Variants in CHRNB3 observed in about 807,000 individuals in gnomAD.
The protein encoded by CHRNB3 is neuronal acetylcholine receptor subunit beta-3.
Under a neutral mutation model 40.6 loss-of-function variants are expected in CHRNB3, and 37 were observed. That is an observed-to-expected ratio of 0.91 (90% CI 0.70 to 1.20). CHRNB3 has a LOEUF of 1.20. CHRNB3 is among the 50% of genes most tolerant of loss of function. CHRNB3 has a pLI of 0.00. For synonymous variants in CHRNB3, 207 were observed against 207.1 expected (o/e 1.00, Z 0.00); for missense variants, 505 against 551.2 (o/e 0.92, Z 0.84).
At chr8:42,733,405 C>T (rs897859871) in intron 5 of CHRNB3, among the ~76,000 whole-genome samples, 5 of 151,978 alleles carry the variant, frequency 3.3e-5, no homozygotes, top group Non-Finnish European at 7.4e-5. Context: ...ATCTGAATGA[C>T]TTAAGACAAG....
chr8:42,704,221 C>G (rs1284173802), intron 1 of CHRNB3: 2 of 152,244 alleles, frequency 1.3e-5, no homozygotes, highest in Non-Finnish European at 2.9e-5. Flanking sequence ...TCCTCTGCGC[C>G]TCCTCCTTAT....
rs907090982 is a variant in CHRNB3, at chr8:42,730,905, G to A, written c.359+202G>A. On this transcript the variant is annotated intron_variant, in intron 4 of 5. Coordinates refer to ENST00000289957, the MANE Select transcript of CHRNB3 (RefSeq NM_000749.5). ...CTACTAAAAATACAAAAAATTAGCC[G>A]GGCGCGGTGGCGGGCGCCTGTAGTC... is the stretch of plus-strand genomic sequence containing the variant. Among the ~76,000 whole-genome samples the A allele has an allele frequency of 4.1e-5, 6 of 146,756 alleles. No homozygotes were observed. The South Asian group carries it at 6.7e-4, about 16-fold the overall frequency.
Position 42,737,342 on chromosome 8 carries a change from C to T in CHRNB3, c.*724C>T. 1 of 152,258 alleles carries T rather than the reference C, an allele frequency of 6.6e-6. No individual in the cohort carries two copies. Among genetic ancestry groups the T allele is most frequent in the Non-Finnish European group, 1.5e-5 (1 of 68,046 alleles). The allele number at this position is 152,258 out of a possible 1,614,324, so 9.4% of individuals were successfully genotyped here. A position where few individuals can be genotyped will look rare whatever the true frequency, so the allele number is the denominator to read the frequency against. ...AAAATAACTCACAATAGAAACAAAG[C>T]CCTTTGCTACCAGAAGTGGATTCAT... On this transcript the variant is annotated 3_prime_UTR_variant, in exon 6 of 6. Coordinates refer to ENST00000289957, the MANE Select transcript of CHRNB3 (RefSeq NM_000749.5).
chr8:42,705,446 C>T (rs1471942611), intron 1 of CHRNB3: 2 of 152,166 alleles, frequency 1.3e-5, no homozygotes, highest in Admixed American at 6.5e-5. Context: ...GGGGGCACCA[C>T]CCTCATGAAT....
At chr8:42,708,498 A>C (rs201627790) in intron 1 of CHRNB3, among the ~76,000 whole-genome samples, 3 of 70,094 alleles carry the variant, frequency 4.3e-5, no homozygotes, top group Non-Finnish European at 8.3e-5. Flanking sequence ...CACACACACA[A>C]ACAAAATGTG....
rs143887216 is a variant in CHRNB3 at position 42,726,886 on chromosome 8, G to A, written c.250-3708G>A. Among the ~76,000 whole-genome samples, 170 of 152,192 alleles carry A rather than the reference G, an allele frequency of 1.1e-3. 1 individual carries two copies. The highest frequency in any genetic ancestry group is 3.7e-3 in the Admixed American group (56 of 15,272). ...ACAACAACAAAAAATCAAGACCTAA[G>A]TAAATGGAGACATAAATAATATTCC... On this transcript the variant is annotated intron_variant, in intron 3 of 5. Coordinates refer to ENST00000289957, the MANE Select transcript of CHRNB3 (RefSeq NM_000749.5).
At position 42,708,862 on chromosome 8, in the gene CHRNB3, A is replaced by G. The variant is rs373118626; in HGVS notation, c.198A>G (p.Val66=). 4.3e-6 allele frequency: 7 copies of G among 1,612,576 alleles called. No homozygotes were observed. Among genetic ancestry groups the G allele is most frequent in the Non-Finnish European group, 5.9e-6 (7 of 1,179,302 alleles). The change falls in exon 2 of 6, where the codon GTA becomes GTG. Residue 66 remains valine, a synonymous_variant. Transcript: ENST00000289957. The stretch of plus-strand genomic sequence containing the variant: ...TTGGATTGAAAATATCCCAGCTTGT[A>G]GATGTGGTGAGTAATCCTTGGCACT... ...VYFGLKISQL[V]DVDEKNQLMT... is the part of the protein sequence containing the mutation.
chr8:42,713,175 G>C (rs1313079347), intron 3 of CHRNB3, among the ~76,000 whole-genome samples: 2 of 152,112 alleles, frequency 1.3e-5, no homozygotes, highest in East Asian at 1.9e-4. Context: ...TAAAGCAGGG[G>C]TCCAGGGACT....
intron 3 of CHRNB3, among the ~76,000 whole-genome samples, chr8:42,726,919 G>C (rs1563614506): frequency 2.0e-5 from 3 of 152,140 alleles, no homozygotes; most frequent in Non-Finnish European, 2.9e-5. Context: ...TCCTGGGCCA[G>C]GAGAATCTAT....
chr8:42,703,618 T>C (rs1815865630), intron 1 of CHRNB3, among the ~76,000 whole-genome samples: 1 of 151,846 alleles, frequency 6.6e-6, no homozygotes, highest in South Asian at 2.1e-4. Flanking sequence ...TTTTATTCCA[T>C]AATACAAAGA....
At chr8:42,735,128 G>A (rs1392614954) in intron 5 of CHRNB3, among the ~76,000 whole-genome samples, 1 of 152,104 alleles carries the variant, frequency 6.6e-6, no homozygotes, top group Non-Finnish European at 1.5e-5. Flanking sequence ...GCTGAGGCAG[G>A]AGAATGGTGT....
At position 42,697,553 on chromosome 8, in the gene CHRNB3, C is replaced by T; in HGVS notation, c.7C>T (p.Pro3Ser). Residue 3 changes from proline to serine, a missense_variant, in exon 1 of 6, where the codon CCA (proline) becomes TCA (serine). Physicochemically the swap from Pro to Ser is moderately conservative, Grantham distance 74. Transcript: ENST00000289957. Reference protein sequence around the residue: MLPDFMLVLIVLG... With the variant: MLSDFMLVLIVLG... ...TTCTGAAACTGACATCACGATGCTC[C>T]CAGATTTTATGCTGGTTCTCATCGT... is the stretch of plus-strand genomic sequence containing the variant. 1 of 1,613,294 alleles carries T rather than the reference C, an allele frequency of 6.2e-7. No individual in the cohort carries two copies. The highest frequency in any genetic ancestry group is 8.5e-7 in the Non-Finnish European group (1 of 1,179,352).
chr8:42,710,199 T>C (rs142960043), intron 2 of CHRNB3, among the ~76,000 whole-genome samples, 191 bp from the exon 3 acceptor site: 321 of 152,234 alleles, frequency 2.1e-3, no homozygotes, highest in African/African-American at 7.4e-3. Flanking sequence ...CGTGCACTTA[T>C]AGTCAGCTCC....
chr8:42,708,490 C>CACACACAT (rs1815957000), intron 1 of CHRNB3, among the ~76,000 whole-genome samples: 1 of 151,692 alleles, frequency 6.6e-6, no homozygotes, highest in African/African-American at 2.4e-5. Flanking sequence ...CACACACACA[C>CACACACAT]ACACACAAAC....
At chr8:42,725,315 C>T (rs1347359063) in intron 3 of CHRNB3, among the ~76,000 whole-genome samples, 2 of 151,892 alleles carry the variant, frequency 1.3e-5, no homozygotes, top group Non-Finnish European at 2.9e-5. Context: ...GTCTCAAACT[C>T]CTGACCTCAG....
intron 5 of CHRNB3, among the ~76,000 whole-genome samples, chr8:42,735,303 C>T (rs1166896181): frequency 6.6e-6 from 1 of 152,012 alleles, no homozygotes; most frequent in African/African-American, 2.4e-5. Context: ...TTTGGGAGGC[C>T]GAGGCGGGTG....
chr8:42,728,614 T>C (rs1175914031), intron 3 of CHRNB3, among the ~76,000 whole-genome samples: 1 of 152,168 alleles, frequency 6.6e-6, no homozygotes. Context: ...TGAAATGTTA[T>C]GTTGATTCCA....
chr8:42,710,076 A>G (rs1374643798), intron 2 of CHRNB3, among the ~76,000 whole-genome samples: 2 of 152,262 alleles, frequency 1.3e-5, no homozygotes, highest in Non-Finnish European at 2.9e-5. Flanking sequence ...GACTGTTTAC[A>G]TGCCATTTGA....
intron 1 of CHRNB3, among the ~76,000 whole-genome samples, chr8:42,700,133 C>G (rs556797839): frequency 6.6e-6 from 1 of 151,732 alleles, no homozygotes; most frequent in African/African-American, 2.4e-5. Context: ...CCTACCTCAG[C>G]CTCCAGAGGA....
Sources: gnomAD v4.1 joint callset for allele counts (sites outside exome capture counted in the v4.1 genomes callset) on GRCh38, gnomAD v4.1.1 for gene constraint, MANE v1.5 for transcripts, NCBI Gene and HGNC (gene_info 2026-07-23, HGNC 2026-07-21) for gene names.